The following NOS1AP variants were observed in gnomAD, a reference collection of about 807,000 sequenced individuals.
NOS1AP encodes nitric oxide synthase 1 adaptor protein.
NOS1AP carries 21 observed loss-of-function variants against 56.2 expected under a neutral mutation model. The observed-to-expected ratio is 0.37, with a 90% confidence interval of 0.26 to 0.54. The LOEUF (loss-of-function observed/expected upper bound fraction) is 0.54. Among genes scored for constraint, NOS1AP ranks in the 20% least tolerant of loss-of-function variants. NOS1AP has a pLI of 0.84. For missense variants in NOS1AP, 522 were observed against 657.8 expected, an observed-to-expected ratio of 0.79 and a Z score of 2.26; for synonymous variants, 270 against 274.6, an observed-to-expected ratio of 0.98 and a Z score of 0.17.
intron 2 of NOS1AP, among the ~76,000 whole-genome samples, chr1:162,245,889 A>T (rs909078994): frequency 6.6e-6 from 1 of 152,236 alleles, no homozygotes; most frequent in Non-Finnish European, 1.5e-5. Flanking sequence ...CTTATGATGG[A>T]TTAACGTTTA....
intron 2 of NOS1AP, among the ~76,000 whole-genome samples, chr1:162,179,089 T>C (rs1361395238): frequency 6.6e-6 from 1 of 152,192 alleles, no homozygotes; most frequent in Non-Finnish European, 1.5e-5. Context: ...CCTGGACCTG[T>C]GTGGCATCTC....
chr1:162,348,708 A>G (rs347272), intron 6 of NOS1AP, among the ~76,000 whole-genome samples: 125,717 of 152,170 alleles, frequency 0.83, 52,332 homozygotes, highest in East Asian at 0.93. Flanking sequence ...TGGGCTGGAT[A>G]TGTTAAATAA....
intron 1 of NOS1AP, among the ~76,000 whole-genome samples, chr1:162,085,664 C>T (rs1027505164): frequency 6.6e-5 from 10 of 152,204 alleles, no homozygotes; most frequent in Admixed American, 4.6e-4. Context: ...AGAAATGGAT[C>T]CAGTCTATAG....
In NOS1AP at chr1:162,367,555, G is replaced by A; in HGVS notation, c.*88G>A. The A allele has an allele frequency of 7.1e-7, 1 of 1,402,328 alleles. No homozygotes were observed. Among genetic ancestry groups the A allele is most frequent in the South Asian group, 1.4e-5 (1 of 72,132 alleles). 86.9% of individuals were successfully genotyped at this position (1,402,328 alleles called of 1,614,324 possible). A position where few individuals can be genotyped will look rare whatever the true frequency, so the allele number is the denominator to read the frequency against. ...CGGGTAGGGGATGCCCAGTGAATGT[G>A]CACTGCCGAGGAGAATGCCAGCCAG... is the stretch of plus-strand genomic sequence containing the variant. On this transcript the variant is annotated 3_prime_UTR_variant, in exon 10 of 10. Transcript: ENST00000361897. This position sits in a 1 kb window ranked among gnomAD's most constrained non-coding sequence, Gnocchi z 6.5.
At chr1:162,217,675 A>G (rs1467491214) in intron 2 of NOS1AP, among the ~76,000 whole-genome samples, 2 of 152,184 alleles carry the variant, frequency 1.3e-5, no homozygotes, top group South Asian at 4.1e-4. Context: ...CCCTGATGCC[A>G]GAGTAAAGGA....
At chr1:162,224,476 G>C (rs1365475534) in intron 2 of NOS1AP, among the ~76,000 whole-genome samples, 1 of 152,150 alleles carries the variant, frequency 6.6e-6, no homozygotes, top group Non-Finnish European at 1.5e-5. Context: ...TGTTCAAGGT[G>C]GTTGAGCTTT....
At chr1:162,085,189 A>G (rs528480179) in intron 1 of NOS1AP, among the ~76,000 whole-genome samples, 4 of 152,172 alleles carry the variant, frequency 2.6e-5, no homozygotes, top group South Asian at 2.1e-4. Flanking sequence ...ACTTGCTGCT[A>G]TGCCATCTCT....
intron 1 of NOS1AP, among the ~76,000 whole-genome samples, chr1:162,122,568 C>T (rs1008770720): frequency 4.0e-5 from 6 of 149,366 alleles, no homozygotes; most frequent in Non-Finnish European, 8.9e-5. Flanking sequence ...AGTGTAGTGG[C>T]ATGATCTCGG....
rs981175197 is a variant in NOS1AP, at chr1:162,304,708, C to T, written c.344+4002C>T. 4.0e-4 allele frequency among the ~76,000 whole-genome samples: 61 copies of T among 150,926 alleles called. 1 individual carries two copies. Among genetic ancestry groups the T allele is most frequent in the South Asian group, 8.4e-4 (4 of 4,734 alleles). ...AAATAAACTTTAGTCCCTGTGTTTT[C>T]GGTGTCCTGGGTACTTTTTTTCATG... On this transcript the variant is annotated intron_variant, in intron 4 of 9. Transcript: ENST00000361897.
chr1:162,125,091 T>G (rs576105572), intron 1 of NOS1AP, among the ~76,000 whole-genome samples: 7 of 151,774 alleles, frequency 4.6e-5, no homozygotes, highest in South Asian at 2.1e-4. Flanking sequence ...AAGTGTTCCC[T>G]TTACACCACA....
At chr1:162,151,473 G>C (rs1017433936) in intron 1 of NOS1AP, among the ~76,000 whole-genome samples, 62 of 152,220 alleles carry the variant, frequency 4.1e-4, no homozygotes, top group African/African-American at 1.4e-3. Flanking sequence ...TTTTCTTTTT[G>C]CTCAGGATAA....
At position 162,338,188 on chromosome 1, in the gene NOS1AP, G is replaced by A. The variant is rs1249752010; in HGVS notation, c.453+5063G>A. 3.3e-4 allele frequency among the ~76,000 whole-genome samples: 50 copies of A among 152,060 alleles called. 1 individual carries two copies. The highest frequency in any genetic ancestry group is 3.3e-3 in the Admixed American group (50 of 15,258). The stretch of plus-strand genomic sequence containing the variant: ...CCCACAGCTGACCTCATGGACTTCA[G>A]TTCTCTAAAATTCAGAACCACTTGT... On this transcript the variant is annotated intron_variant, in intron 5 of 9. Transcript: ENST00000361897.
At chr1:162,089,654 C>T (rs1388595806) in intron 1 of NOS1AP, among the ~76,000 whole-genome samples, 1 of 152,066 alleles carries the variant, frequency 6.6e-6, no homozygotes, top group Admixed American at 6.6e-5. Context: ...AATATAGTCA[C>T]AGTTGTCCTT....
At chr1:162,267,596 C>CAAAA (rs71829190) in intron 2 of NOS1AP, among the ~76,000 whole-genome samples, 1 of 100,116 alleles carries the variant, frequency 1.0e-5, no homozygotes, top group African/African-American at 3.4e-5. Flanking sequence ...CCTGTCTCTA[C>CAAAA]AAAAAAAAAA....
chr1:162,152,908 A>C (rs1448735729), intron 1 of NOS1AP, among the ~76,000 whole-genome samples: 1 of 151,986 alleles, frequency 6.6e-6, no homozygotes, highest in Non-Finnish European at 1.5e-5. Flanking sequence ...GCTTGGGTAG[A>C]CTTTTAAGTT....
chr1:162,071,719 T>C (rs1220013856), intron 1 of NOS1AP, among the ~76,000 whole-genome samples: 1 of 152,190 alleles, frequency 6.6e-6, no homozygotes, highest in African/African-American at 2.4e-5. Context: ...ATGCTTGGGT[T>C]AATTTTTGCC....
At chr1:162,101,715 G>GTAGCAATTGTGAATCTTTTTGTAGCAA (rs1647279676) in intron 1 of NOS1AP, among the ~76,000 whole-genome samples, 1 of 152,070 alleles carries the variant, frequency 6.6e-6, no homozygotes, top group African/African-American at 2.4e-5. Context: ...GTGAATGGGA[G>GTAGCAATTGTGAATCTTTTTGTAGCAA]TTCATTCATG....
intron 2 of NOS1AP, among the ~76,000 whole-genome samples, chr1:162,255,519 T>G (rs1162652632): frequency 1.7e-5 from 2 of 116,056 alleles, no homozygotes; most frequent in African/African-American, 4.2e-5. Context: ...TTTTTTTTTT[T>G]TTTTTTGGTA....
chr1:162,324,416 C>CTTT lies in NOS1AP; in HGVS notation c.345-8575_345-8573dup, dbSNP rs35946766. On this transcript the variant is annotated intron_variant, in intron 4 of 9. Transcript: ENST00000361897. The stretch of plus-strand genomic sequence containing the variant: ...TAGTGGTTTTGTGAGGGACACTAGC[C>CTTT]TTTTTTTTTTTTTTTTTTTTTTTTT... Among the ~76,000 whole-genome samples the CTTT allele has an allele frequency of 2.9e-3, 209 of 72,136 alleles. 36 individuals are homozygous for CTTT. The highest frequency in any genetic ancestry group is 6.3e-3 in the African/African-American group (128 of 20,240). 47.3% of individuals were successfully genotyped at this position (72,136 alleles called of 152,430 possible).
Sources: allele counts gnomAD v4.1 joint callset (sites outside exome capture counted in the v4.1 genomes callset), GRCh38; gene constraint gnomAD v4.1.1; non-coding constraint Gnocchi (gnomAD v3.1); transcripts MANE v1.5; gene names NCBI Gene and HGNC (gene_info 2026-07-23, HGNC 2026-07-21).